Variants in TRMT11 observed in about 807,000 individuals in gnomAD.
TRMT11 encodes the protein tRNA (guanine(10)-N(2))-methyltransferase TRMT11.
TRMT11 carries 53 observed loss-of-function variants against 62.8 expected under a neutral mutation model. The observed-to-expected ratio is 0.84, with a 90% CI of 0.68 to 1.06. The LOEUF (loss-of-function observed/expected upper bound fraction) is 1.06. Among genes scored for constraint, TRMT11 ranks in the 50% least tolerant of loss-of-function variants. The probability of loss-of-function intolerance (pLI) is 0.00; values close to 1 mark genes in which losing one functional copy is unlikely to be tolerated. For synonymous variants in TRMT11, 188 were observed against 190.3 expected (o/e 0.99, Z 0.10); for missense variants, 556 against 553.4 (o/e 1.00, Z -0.05).
At chr6:126,099,701 C>T (rs1337767543) in intron 17 of TRMT11, among the ~76,000 whole-genome samples, 1 of 152,170 alleles carries the variant, frequency 6.6e-6, no homozygotes, top group Non-Finnish European at 1.5e-5. Flanking sequence ...GAGCTGAGAT[C>T]GTGCCACTGC....
chr6:125,989,124 CTT>C (rs971479523), intron 1 of TRMT11, among the ~76,000 whole-genome samples: 7 of 94,424 alleles, frequency 7.4e-5, no homozygotes, highest in African/African-American at 2.5e-4. Context: ...AGTTTGGATT[CTT>C]TTTTTTTTTT....
chr6:125,996,163 C>A, intron 3 of TRMT11, 123 bp downstream of exon 3: 1 of 594,624 alleles, frequency 1.7e-6, no homozygotes, highest in East Asian at 3.1e-5. Context: ...ATACAACTGC[C>A]ACTGGGTGGC....
chr6:126,156,788 G>A (rs935037815), intron 21 of TRMT11, among the ~76,000 whole-genome samples: 3 of 152,046 alleles, frequency 2.0e-5, no homozygotes, highest in African/African-American at 7.2e-5. Context: ...TTACTATCAC[G>A]AGGCTAGCAC....
intron 21 of TRMT11, among the ~76,000 whole-genome samples, chr6:126,148,150 A>C (rs758574308): frequency 6.6e-6 from 1 of 151,884 alleles, no homozygotes; most frequent in Admixed American, 6.6e-5. Context: ...TCTTTCTACC[A>C]CTCCTGGTAT....
Position 125,995,982 on chromosome 6 carries a change from C to G in TRMT11, c.154C>G (p.Leu52Val). The G allele has an allele frequency of 2.5e-6, 4 of 1,610,334 alleles. No individual in the cohort carries two copies. The highest frequency in any genetic ancestry group is 3.4e-6 in the Non-Finnish European group (4 of 1,176,648). The change falls in exon 3 of 13, where the codon CTT becomes GTT. Residue 52 changes from leucine (L) to valine (V), a missense_variant. Physicochemically the swap from Leu to Val is conservative, Grantham distance 32 (BLOSUM62 1). Coordinates refer to ENST00000334379, the MANE Select transcript of TRMT11 (RefSeq NM_001031712.3). Reference protein sequence around the residue: ...ETYGKSPFWILSIPSEDIARN... With the variant: ...ETYGKSPFWIVSIPSEDIARN... Reference sequence around the variant, plus strand: ...TTTCTTTTAGTCACCATTTTGGATTCTTAGCATTCCCTCTGAAGATATTGC... The same window carrying G: ...TTTCTTTTAGTCACCATTTTGGATTGTTAGCATTCCCTCTGAAGATATTGC...
chr6:126,244,260 A>C, the TRMT11 span, among the ~76,000 whole-genome samples: 1 of 151,978 alleles, frequency 6.6e-6, no homozygotes, highest in Non-Finnish European at 1.5e-5. Context: ...ATTTTTTTAT[A>C]ATATAAGCTT....
At chr6:126,250,653 C>G in the TRMT11 span, among the ~76,000 whole-genome samples, 1 of 152,166 alleles carries the variant, frequency 6.6e-6, no homozygotes, top group Non-Finnish European at 1.5e-5. Flanking sequence ...TCAGCCCACC[C>G]TTTCAGAAAT....
chr6:126,087,435 T>G (rs2128163363), intron 17 of TRMT11, among the ~76,000 whole-genome samples: 1 of 152,294 alleles, frequency 6.6e-6, no homozygotes, highest in Middle Eastern at 3.4e-3. Context: ...AATGGTAAAC[T>G]AAAGAACATT....
chr6:126,024,012 A>G (rs1465691560), intron 12 of TRMT11, among the ~76,000 whole-genome samples: 1 of 152,260 alleles, frequency 6.6e-6, no homozygotes, highest in African/African-American at 2.4e-5. Context: ...AGTAATTGCA[A>G]TCTAGGTTTT....
chr6:126,022,018 A>G (rs1229339831), intron 12 of TRMT11, among the ~76,000 whole-genome samples: 1 of 151,434 alleles, frequency 6.6e-6, no homozygotes, highest in African/African-American at 2.4e-5. Context: ...GGTAAGCAGA[A>G]GAAAGGTGGT....
At chr6:126,186,134 A>G (rs1047909149) in intron 1 of TRMT11, among the ~76,000 whole-genome samples, 3 of 152,170 alleles carry the variant, frequency 2.0e-5, no homozygotes, top group African/African-American at 7.2e-5. Flanking sequence ...GGAGCTCTAT[A>G]ATTTTCTTGT....
the TRMT11 span, among the ~76,000 whole-genome samples, chr6:126,259,903 T>C: frequency 6.6e-6 from 1 of 152,212 alleles, no homozygotes; most frequent in Admixed American, 6.5e-5. Context: ...TGCTTTTAAT[T>C]TGTGTTTGTA....
intron 3 of TRMT11, among the ~76,000 whole-genome samples, chr6:126,200,885 C>T (rs1401588737): frequency 6.6e-6 from 1 of 152,204 alleles, no homozygotes; most frequent in African/African-American, 2.4e-5. Flanking sequence ...GCTGACTCAT[C>T]ATTGGCCTGT....
chr6:126,100,730 G>T (rs1474097022), intron 17 of TRMT11, among the ~76,000 whole-genome samples: 1 of 152,164 alleles, frequency 6.6e-6, no homozygotes, highest in Admixed American at 6.5e-5. Flanking sequence ...TCGGGGGAAT[G>T]GTTTTGGGAT....
At chr6:126,269,263 CAAAAAAAA>C in the TRMT11 span, among the ~76,000 whole-genome samples, 19 of 68,864 alleles carry the variant, frequency 2.8e-4, no homozygotes, top group African/African-American at 1.2e-3. Flanking sequence ...GACTCCGTCT[CAAAAAAAA>C]AAAAAAAAAA....
the TRMT11 span, among the ~76,000 whole-genome samples, chr6:126,236,558 G>T: frequency 6.6e-6 from 1 of 152,066 alleles, no homozygotes. Flanking sequence ...TCATTTCTTA[G>T]ATTATTAAAA....
At chr6:126,184,617 C>T (rs1354344062) in intron 1 of TRMT11, among the ~76,000 whole-genome samples, 3 of 152,116 alleles carry the variant, frequency 2.0e-5, no homozygotes, top group African/African-American at 7.2e-5. Context: ...TTGTCTGACC[C>T]TTTCTCTCCC....
chr6:126,165,835 C>T (rs913056568), intron 21 of TRMT11, among the ~76,000 whole-genome samples: 1 of 152,262 alleles, frequency 6.6e-6, no homozygotes, highest in South Asian at 2.1e-4. Context: ...GCCTGTCTTG[C>T]TAGGTTGGAG....
At chr6:126,098,864 T>G (rs1019524721) in intron 17 of TRMT11, among the ~76,000 whole-genome samples, 2 of 152,034 alleles carry the variant, frequency 1.3e-5, no homozygotes, top group African/African-American at 4.8e-5. Flanking sequence ...ACAAAGGGGA[T>G]TTTTTTTAAA....
Sources: gnomAD v4.1 joint callset for allele counts (sites outside exome capture counted in the v4.1 genomes callset) on GRCh38, gnomAD v4.1.1 for gene constraint, MANE v1.5 for transcripts, NCBI Gene and HGNC (gene_info 2026-07-23, HGNC 2026-07-21) for gene names.